CELF2: variants seen among roughly 807,000 people sequenced by gnomAD.
The protein encoded by CELF2 is CUGBP Elav-like family member 2.
In CELF2, 8 loss-of-function variants were observed where a neutral mutation model predicts 62.6. That is an observed-to-expected ratio of 0.13 (90% CI 0.07 to 0.23). The LOEUF (loss-of-function observed/expected upper bound fraction) is 0.23, where lower values mean the gene tolerates loss of function less well. CELF2 is among the 10% of genes least tolerant of loss of function. The probability of loss-of-function intolerance (pLI) is 1.00; values close to 1 mark genes in which losing one functional copy is unlikely to be tolerated. For synonymous variants in CELF2, 258 were observed against 250.0 expected (o/e 1.03, Z -0.30); for missense variants, 333 against 671.0 (o/e 0.50, Z 5.56).
At chr10:11,204,370 T>C (rs2059939458) in intron 2 of CELF2, among the ~76,000 whole-genome samples, 2 of 152,172 alleles carry the variant, frequency 1.3e-5, no homozygotes, top group African/African-American at 2.4e-5. Flanking sequence ...GTTGAGAGTG[T>C]TGCATGGACC....
In CELF2 at chr10:11,062,880, T is replaced by C. The variant is rs114435674; in HGVS notation, c.74+44717T>C. Among the ~76,000 whole-genome samples the C allele has an allele frequency of 7.6e-3, 1,154 of 152,158 alleles. 15 individuals are homozygous for C. Among genetic ancestry groups the C allele is most frequent in the African/African-American group, 0.027 (1,105 of 41,458 alleles). ...TTCAGAAAAATTTTCCCTGAGTCAGTCAAAGCAGCAAACTTCATGGTTGTC... is the reference window on the plus strand; with the variant it reads ...TTCAGAAAAATTTTCCCTGAGTCAGCCAAAGCAGCAAACTTCATGGTTGTC... On this transcript the variant is annotated intron_variant, in intron 1 of 12. Coordinates refer to ENST00000633077, the MANE Select transcript of CELF2 (RefSeq NM_001326342.2).
the CELF2 span, among the ~76,000 whole-genome samples, chr10:10,581,260 C>T: frequency 1.9e-4 from 29 of 152,140 alleles, no homozygotes; most frequent in African/African-American, 7.0e-4. Context: ...TTAAGTACAA[C>T]CTTTAGCTAA....
At chr10:10,984,520 A>G (rs2052517473) in intron 2 of CELF2, among the ~76,000 whole-genome samples, 1 of 152,208 alleles carries the variant, frequency 6.6e-6, no homozygotes, top group South Asian at 2.1e-4. Context: ...TATTCCTAAT[A>G]GCTCCTTGTC....
the CELF2 span, among the ~76,000 whole-genome samples, chr10:10,511,451 T>C: frequency 6.6e-6 from 1 of 152,028 alleles, no homozygotes; most frequent in African/African-American, 2.4e-5. Flanking sequence ...TATACATATA[T>C]TTTTAATGTG....
chr10:11,246,010 G>T lies in CELF2; in HGVS notation c.355-3143G>T, dbSNP rs2075488111. On this transcript the variant is annotated intron_variant, in intron 3 of 12. Transcript: ENST00000633077. This position sits in a 1 kb window ranked among gnomAD's most constrained non-coding sequence, Gnocchi z 4.6. ...TCACTTATTCCCTTCATACCTGTCA[G>T]CCGAGAGCACTGACTGCGTGATTTC... Among the ~76,000 whole-genome samples, 1 of 152,132 alleles carries T rather than the reference G, an allele frequency of 6.6e-6. No individual in the cohort carries two copies. Among genetic ancestry groups the T allele is most frequent in the Admixed American group, 6.5e-5 (1 of 15,282 alleles).
chr10:10,682,356 T>C, the CELF2 span, among the ~76,000 whole-genome samples: 1 of 152,232 alleles, frequency 6.6e-6, no homozygotes, highest in Non-Finnish European at 1.5e-5. Context: ...TTCACCGTTT[T>C]TCTTAAAGAA....
chr10:10,654,393 A>C, the CELF2 span, among the ~76,000 whole-genome samples: 1 of 109,734 alleles, frequency 9.1e-6, no homozygotes. Flanking sequence ...TCTGATACCA[A>C]AGCCTGGCAG....
intron 1 of CELF2, among the ~76,000 whole-genome samples, chr10:11,118,104 GC>G (rs1347949673): frequency 5.9e-5 from 9 of 152,068 alleles, no homozygotes; most frequent in Non-Finnish European, 1.0e-4. Flanking sequence ...GTATAAGCAT[GC>G]CTGTGAATTA....
intron 1 of CELF2, among the ~76,000 whole-genome samples, chr10:11,129,386 G>A (rs747607789): frequency 8.5e-5 from 13 of 152,170 alleles, no homozygotes; most frequent in Non-Finnish European, 1.8e-4. Flanking sequence ...GATGATGCTG[G>A]CCTCATAAAA....
At chr10:10,789,395 T>G in the CELF2 span, among the ~76,000 whole-genome samples, 1 of 152,230 alleles carries the variant, frequency 6.6e-6, no homozygotes, top group African/African-American at 2.4e-5. Flanking sequence ...CCACATTAAA[T>G]TATTAGATAC....
rs978341700 is a variant in CELF2, at chr10:11,207,677, T to A, written c.272-9748T>A. ...GGTAATCCAAACCGTGGAGTCCACA[T>A]AACTCACATACGGAAGGCCCGATGG... On this transcript the variant is annotated intron_variant, in intron 2 of 12. Coordinates refer to ENST00000633077, the MANE Select transcript of CELF2 (RefSeq NM_001326342.2). This position sits in a 1 kb window ranked among gnomAD's most constrained non-coding sequence, Gnocchi z 4.1. 2.0e-5 allele frequency among the ~76,000 whole-genome samples: 3 copies of A among 152,322 alleles called. No individual in the cohort carries two copies. The highest frequency in any genetic ancestry group is 1.3e-4 in the Admixed American group (2 of 15,310).
intron 2 of CELF2, among the ~76,000 whole-genome samples, chr10:10,962,677 ACTGGG>A (rs1233366046): frequency 6.6e-6 from 1 of 152,192 alleles, no homozygotes; most frequent in African/African-American, 2.4e-5. Context: ...GTGAGCCATG[ACTGGG>A]CTGTTTCATT....
chr10:10,647,213 A>T, the CELF2 span, among the ~76,000 whole-genome samples: 3 of 151,936 alleles, frequency 2.0e-5, no homozygotes, highest in Non-Finnish European at 4.4e-5. Context: ...CTGTTTCCCC[A>T]TTCCTCCTCC....
At chr10:10,809,649 A>G (rs547120167) in intron 1 of CELF2, among the ~76,000 whole-genome samples, 2 of 152,338 alleles carry the variant, frequency 1.3e-5, no homozygotes, top group Admixed American at 1.3e-4. Context: ...TTATTTAGAT[A>G]TTTAATGAAT....
the CELF2 span, among the ~76,000 whole-genome samples, chr10:10,576,399 T>G: frequency 6.6e-6 from 1 of 152,272 alleles, no homozygotes; most frequent in African/African-American, 2.4e-5. Context: ...TTTTGACATT[T>G]GATGAGCTCA....
At chr10:11,186,479 A>C (rs2074972118) in intron 2 of CELF2, among the ~76,000 whole-genome samples, 1 of 151,832 alleles carries the variant, frequency 6.6e-6, no homozygotes, top group Non-Finnish European at 1.5e-5. Flanking sequence ...ATTCCTCCTA[A>C]GTACCATTTT....
At chr10:10,996,921 CT>C (rs1247711631) in intron 2 of CELF2, among the ~76,000 whole-genome samples, 2 of 152,252 alleles carry the variant, frequency 1.3e-5, no homozygotes, top group South Asian at 2.1e-4. Flanking sequence ...CCTGTTTTAC[CT>C]TTTTTGGTTG....
intron 1 of CELF2, among the ~76,000 whole-genome samples, chr10:11,150,255 T>C (rs1386488924): frequency 6.6e-6 from 1 of 151,934 alleles, no homozygotes; most frequent in East Asian, 1.9e-4. Context: ...AGCACAGGTA[T>C]CACGCTTTTT....
At chr10:10,744,330 T>A in the CELF2 span, among the ~76,000 whole-genome samples, 1 of 152,238 alleles carries the variant, frequency 6.6e-6, no homozygotes, top group African/African-American at 2.4e-5. Flanking sequence ...ATTATTCACA[T>A]TTGCAAGAAG....
Sources: gnomAD v4.1 joint callset for allele counts (sites outside exome capture counted in the v4.1 genomes callset) on GRCh38, gnomAD v4.1.1 for gene constraint, Gnocchi (gnomAD v3.1) non-coding constraint, MANE v1.5 for transcripts, NCBI Gene and HGNC (gene_info 2026-07-23, HGNC 2026-07-21) for gene names.